The following MNS1 variants were observed in gnomAD, a reference collection of about 807,000 sequenced individuals.
The protein encoded by MNS1 is meiosis specific nuclear structural 1.
MNS1 carries 63 observed loss-of-function variants against 72.0 expected under a neutral mutation model. The ratio of observed to expected loss-of-function variants is 0.87; its 90% CI spans 0.71 to 1.08. The LOEUF (loss-of-function observed/expected upper bound fraction) is 1.08, where lower values mean the gene tolerates loss of function less well. Ranked by LOEUF, MNS1 falls within the 50% of genes least tolerant of loss-of-function variation. MNS1 has a pLI of 0.00. For synonymous variants in MNS1, 188 were observed against 172.1 expected (o/e 1.09, Z -0.72); for missense variants, 604 against 562.4 (o/e 1.07, Z -0.75).
In MNS1 at chr15:56,446,886, CCTTT is replaced by C. The variant is rs1596264554; in HGVS notation, c.407_410del (p.Glu136GlyfsTer16). ...CATCCTTTTCAGCAATCTGAGCTGC[CCTTT>C]CTTTATTCATGTAAGCTGCTTTTAA... On this transcript the variant is annotated frameshift_variant, in exon 4 of 10. Coordinates refer to ENST00000260453, the MANE Select transcript of MNS1 (RefSeq NM_018365.4). LOFTEE classifies it high-confidence loss of function. 1.9e-6 allele frequency: 3 copies of C among 1,610,248 alleles called. No individual in the cohort carries two copies. Among genetic ancestry groups the C allele is most frequent in the Non-Finnish European group, 2.5e-6 (3 of 1,179,012 alleles).
chr15:56,434,879 A>T (rs1459837071), intron 7 of MNS1, among the ~76,000 whole-genome samples: 2 of 152,094 alleles, frequency 1.3e-5, no homozygotes, highest in African/African-American at 4.8e-5. Context: ...AAATTCTCTA[A>T]AATTTAAAAA....
chr15:56,431,631 G>A (rs1468432642), intron 8 of MNS1, 133 bp from the exon 9 acceptor site: 1 of 631,010 alleles, frequency 1.6e-6, no homozygotes, highest in Non-Finnish European at 2.4e-6. Context: ...AAAGATTCTA[G>A]ATAATATATA....
chr15:56,465,055 A>C lies in MNS1; in HGVS notation c.-83T>G. On this transcript the variant is annotated 5_prime_UTR_variant, in exon 1 of 10. Coordinates refer to ENST00000260453, the MANE Select transcript of MNS1 (RefSeq NM_018365.4). The stretch of plus-strand genomic sequence containing the variant: ...AACGCAGCAGCCAGCAGCCCCAAGG[A>C]GCGCACCTGGCTGCGCGCGCTCGGG... 1.3e-6 allele frequency: 2 copies of C among 1,564,278 alleles called. No individual in the cohort carries two copies. Among genetic ancestry groups the C allele is most frequent in the Non-Finnish European group, 1.7e-6 (2 of 1,155,908 alleles).
In MNS1 at chr15:56,443,192, T is replaced by A. The variant is rs187636262; in HGVS notation, c.1011+238A>T. Among the ~76,000 whole-genome samples the A allele has an allele frequency of 5.6e-3, 858 of 152,314 alleles. 6 individuals carry two copies. Among genetic ancestry groups the A allele is most frequent in the Non-Finnish European group, 8.5e-3 (575 of 68,018 alleles). On this transcript the variant is annotated intron_variant, in intron 7 of 9. Transcript: ENST00000260453. ...CTTTTAAAGTATGTATCTTCATTTTTAAATTGTGATTACAGACAACATAGT... is the reference window on the plus strand; with the variant it reads ...CTTTTAAAGTATGTATCTTCATTTTAAAATTGTGATTACAGACAACATAGT...
chr15:56,457,855 A>C (rs753181580), intron 2 of MNS1, among the ~76,000 whole-genome samples: 1 of 151,976 alleles, frequency 6.6e-6, no homozygotes, highest in Non-Finnish European at 1.5e-5. Context: ...ACACAACTCA[A>C]CAATTTTACC....
chr15:56,431,481 C>T lies in MNS1; in HGVS notation c.1287G>A (p.Glu429=), dbSNP rs774714538. The T allele has an allele frequency of 5.0e-5, 81 of 1,613,606 alleles. No homozygotes were observed. The highest frequency in any genetic ancestry group is 1.0e-5 in the Non-Finnish European group (12 of 1,179,914). ...FLADKQRELE[E]WQLQQRRQGF... ...CTTGCCGCCTTTGCTGCAACTGCCA[C>T]TCTTCTAGTTCACGTTGCTGGAAAT... is the stretch of plus-strand genomic sequence containing the variant. The change falls in exon 9 of 10, where the codon GAG becomes GAA. Residue 429 remains glutamate, a synonymous_variant. Transcript: ENST00000260453.
chr15:56,454,060 ACT>A (rs1341755082), intron 3 of MNS1, among the ~76,000 whole-genome samples: 1 of 148,080 alleles, frequency 6.8e-6, no homozygotes, highest in Non-Finnish European at 1.5e-5. Flanking sequence ...AAATAAAAAC[ACT>A]CTTAGCAATT....
At chr15:56,434,450 T>C (rs1417745297) in intron 7 of MNS1, 55 bp from the exon 8 acceptor site, 5 of 1,522,118 alleles carry the variant, frequency 3.3e-6, no homozygotes, top group Non-Finnish European at 4.5e-6. Flanking sequence ...ACCAGATTTA[T>C]AAGGAAAGAG....
Position 56,465,007 on chromosome 15 carries a change from C to A in MNS1, c.-35G>T. The A allele has an allele frequency of 1.9e-6, 3 of 1,603,706 alleles. No individual in the cohort carries two copies. The highest frequency in any genetic ancestry group is 2.2e-5 in the South Asian group (2 of 89,618). ...CGAAAAATACCCCCTCTCGTGGGAC[C>A]GCGGCCACCACCTCCCGCCGCAAAC... is the stretch of plus-strand genomic sequence containing the variant. On this transcript the variant is annotated 5_prime_UTR_variant, in exon 1 of 10. Coordinates refer to ENST00000260453, the MANE Select transcript of MNS1 (RefSeq NM_018365.4).
At chr15:56,451,595 T>C (rs2050947382) in intron 3 of MNS1, among the ~76,000 whole-genome samples, 1 of 152,208 alleles carries the variant, frequency 6.6e-6, no homozygotes, top group Non-Finnish European at 1.5e-5. Flanking sequence ...TAGTATGTGG[T>C]ATTTTCATTA....
At chr15:56,431,250 C>A in intron 9 of MNS1, 123 bp downstream of exon 9, 2 of 1,078,954 alleles carry the variant, frequency 1.9e-6, no homozygotes, top group Non-Finnish European at 2.7e-6. Flanking sequence ...ACAGGAGGAT[C>A]CCATTGCTGC....
intron 4 of MNS1, among the ~76,000 whole-genome samples, chr15:56,446,555 G>A (rs905520406): frequency 6.6e-6 from 1 of 151,906 alleles, no homozygotes; most frequent in African/African-American, 2.4e-5. Context: ...GTAACAATTT[G>A]TACTGTACTA....
intron 9 of MNS1, 27 bp from the exon 10 acceptor site, chr15:56,429,220 C>T: frequency 7.1e-7 from 1 of 1,402,612 alleles, no homozygotes; most frequent in East Asian, 2.4e-5. Context: ...TTGTGGGTTA[C>T]TTTTGAATAC....
rs776016027 is a variant in MNS1 at position 56,443,740 on chromosome 15, G to GT, written c.800dup (p.Asn267LysfsTer9). 1 of 1,613,108 alleles carries GT rather than the reference G, an allele frequency of 6.2e-7. No homozygotes were observed. The highest frequency in any genetic ancestry group is 8.5e-7 in the Non-Finnish European group (1 of 1,179,692). On this transcript the variant is annotated frameshift_variant, in exon 6 of 10. Transcript: ENST00000260453. LOFTEE classifies it high-confidence loss of function. ...TGTTAGCAAACTCTATGATTTTTCT[G>GT]TTTTCTTCTTCCATCTCCTCACGTT...
chr15:56,446,858 T>C lies in MNS1; in HGVS notation c.439A>G (p.Ile147Val), dbSNP rs748244280. 1 of 1,608,488 alleles carries C rather than the reference T, an allele frequency of 6.2e-7. No homozygotes were observed. Among genetic ancestry groups the C allele is most frequent in the South Asian group, 1.1e-5 (1 of 90,906 alleles). Residue 147 changes from isoleucine to valine, a missense_variant, in exon 4 of 10, where the codon ATT (isoleucine) becomes GTT (valine). Coordinates refer to ENST00000260453, the MANE Select transcript of MNS1 (RefSeq NM_018365.4). Reference protein sequence around the residue: ...RAAQIAEKDAIKYEQMKRDAE... With the variant: ...RAAQIAEKDAVKYEQMKRDAE... ...ATGATTACCATTTGTTCATATTTAA[T>C]GGCATCCTTTTCAGCAATCTGAGCT...
At chr15:56,431,641 A>G in intron 8 of MNS1, 143 bp from the exon 9 acceptor site, 3 of 572,502 alleles carry the variant, frequency 5.2e-6, no homozygotes, top group Non-Finnish European at 8.1e-6. Flanking sequence ...GATAATATAT[A>G]TTTTTAAAAT....
chr15:56,444,783 T>G (rs1234784295), intron 4 of MNS1, 110 bp from the exon 5 acceptor site: 6 of 991,006 alleles, frequency 6.1e-6, no homozygotes, highest in East Asian at 5.1e-5. Flanking sequence ...ATAAAATAAA[T>G]TTTTTCATCT....
chr15:56,446,062 G>A (rs2050899579), intron 4 of MNS1: 1 of 151,884 alleles, frequency 6.6e-6, no homozygotes, highest in South Asian at 2.1e-4. Flanking sequence ...ACACATATAT[G>A]TGTCATTTAT....
chr15:56,438,797 A>G (rs2050771545), intron 7 of MNS1, among the ~76,000 whole-genome samples: 1 of 152,172 alleles, frequency 6.6e-6, no homozygotes. Flanking sequence ...TTTACAAGAA[A>G]AAATCAAACA....
Sources: allele counts gnomAD v4.1 joint callset (sites outside exome capture counted in the v4.1 genomes callset), GRCh38; gene constraint gnomAD v4.1.1; transcripts MANE v1.5; gene names NCBI Gene and HGNC (gene_info 2026-07-23, HGNC 2026-07-21).